Variants in RPTOR observed in about 807,000 individuals in gnomAD.
The protein encoded by RPTOR is regulatory-associated protein of mTOR.
A neutral mutation model predicts 169.9 loss-of-function variants in RPTOR; 21 were observed. That is an observed-to-expected ratio of 0.12 (90% CI 0.09 to 0.18). RPTOR has a LOEUF of 0.18. RPTOR is among the 10% of genes least tolerant of loss of function. The pLI is 1.00. For missense variants in RPTOR, 1,133 were observed against 1,855.9 expected, an observed-to-expected ratio of 0.61 and a Z score of 7.16; for synonymous variants, 732 against 753.2, an observed-to-expected ratio of 0.97 and a Z score of 0.46.
chr17:80,570,887 A>C (rs1349670619), intron 1 of RPTOR, among the ~76,000 whole-genome samples: 1 of 152,234 alleles, frequency 6.6e-6, no homozygotes, highest in East Asian at 1.9e-4. Context: ...ATTTAAGATT[A>C]CATTGGTGTA....
In RPTOR at chr17:80,921,738, G is replaced by A. The variant is rs544274420; in HGVS notation, c.2521-986G>A. On this transcript the variant is annotated intron_variant, in intron 21 of 33. Coordinates refer to ENST00000306801, the MANE Select transcript of RPTOR (RefSeq NM_020761.3). Reference sequence around the variant, plus strand: ...TTCATCCACAGACGGCTGGGTTGAAGGGGTGGTTTGGAGCCTCATGCTGCC... The same window carrying A: ...TTCATCCACAGACGGCTGGGTTGAAAGGGTGGTTTGGAGCCTCATGCTGCC... Among the ~76,000 whole-genome samples, 7 of 152,302 alleles carry A rather than the reference G, an allele frequency of 4.6e-5. No homozygotes were observed. In the East Asian group the frequency reaches 1.4e-3, roughly 29 times the overall value.
At chr17:80,839,665 C>T (rs138542689) in intron 10 of RPTOR, among the ~76,000 whole-genome samples, 7 of 152,324 alleles carry the variant, frequency 4.6e-5, no homozygotes, top group East Asian at 1.9e-4. Context: ...AGAGTGCCTG[C>T]GCTTTTCCGA....
intron 13 of RPTOR, among the ~76,000 whole-genome samples, chr17:80,877,133 G>A (rs896224352): frequency 5.3e-5 from 8 of 152,108 alleles, no homozygotes; most frequent in African/African-American, 1.2e-4. Context: ...CGTTCTGCGC[G>A]TGTGTGGTTT....
chr17:80,942,987 G>A (rs564860691), intron 25 of RPTOR, among the ~76,000 whole-genome samples: 54 of 152,374 alleles, frequency 3.5e-4, no homozygotes, highest in African/African-American at 1.2e-3. Context: ...CAAAGCCTTC[G>A]GGCCTGCCTG....
At chr17:80,673,715 C>G (rs2065839699) in intron 3 of RPTOR, among the ~76,000 whole-genome samples, 1 of 152,190 alleles carries the variant, frequency 6.6e-6, no homozygotes, top group Non-Finnish European at 1.5e-5. Context: ...TCAAAGAAAT[C>G]CTTCAGGGTC....
chr17:80,956,128 C>T (rs546873629), intron 28 of RPTOR, among the ~76,000 whole-genome samples: 54 of 152,072 alleles, frequency 3.6e-4, no homozygotes, highest in African/African-American at 1.1e-3. Flanking sequence ...CCTCAGCAGC[C>T]CCTGGGAGGC....
intron 25 of RPTOR, 74 bp downstream of exon 25, chr17:80,940,675 G>T: frequency 8.4e-7 from 1 of 1,186,998 alleles, no homozygotes; most frequent in Admixed American, 2.1e-5. Flanking sequence ...CCTGTGAGCA[G>T]GCCCCCCGCG....
At chr17:80,648,232 C>T (rs1165984354) in intron 3 of RPTOR, among the ~76,000 whole-genome samples, 1 of 152,026 alleles carries the variant, frequency 6.6e-6, no homozygotes, top group Non-Finnish European at 1.5e-5. Context: ...ATGACTATAC[C>T]TCCTGTTGGG....
At chr17:80,800,837 T>G (rs1234870233) in intron 7 of RPTOR, among the ~76,000 whole-genome samples, 2 of 152,234 alleles carry the variant, frequency 1.3e-5, no homozygotes, top group African/African-American at 4.8e-5. Context: ...TTCTGATCAC[T>G]GGAGGCTCAA....
chr17:80,868,274 G>A (rs1342232363), intron 13 of RPTOR, among the ~76,000 whole-genome samples: 2 of 152,152 alleles, frequency 1.3e-5, no homozygotes, highest in Non-Finnish European at 2.9e-5. Flanking sequence ...TGGGCAAAAG[G>A]TTTGAGCAGA....
chr17:80,758,873 A>T (rs4969235), intron 6 of RPTOR, among the ~76,000 whole-genome samples: 57,440 of 151,364 alleles, frequency 0.38, 11,496 homozygotes, highest in East Asian at 0.56. Context: ...AAGGAGGAAA[A>T]AAGACAAAGC....
chr17:80,647,651 G>A (rs1269625566), intron 3 of RPTOR, among the ~76,000 whole-genome samples: 1 of 152,180 alleles, frequency 6.6e-6, no homozygotes, highest in Non-Finnish European at 1.5e-5. Flanking sequence ...ATTTACTAAG[G>A]AAGATGAAAC....
intron 4 of RPTOR, among the ~76,000 whole-genome samples, chr17:80,725,504 T>G (rs2066324147): frequency 6.6e-6 from 1 of 152,234 alleles, no homozygotes; most frequent in South Asian, 2.1e-4. Context: ...CCAAGCAGCC[T>G]TCCGTGTATA....
chr17:80,698,628 T>C (rs1177281698), intron 3 of RPTOR, among the ~76,000 whole-genome samples: 2 of 152,232 alleles, frequency 1.3e-5, no homozygotes, highest in African/African-American at 4.8e-5. Context: ...CTTTTGTTCT[T>C]TTCTCCTTAA....
chr17:80,938,830 G>T (rs1025920616), intron 24 of RPTOR, among the ~76,000 whole-genome samples: 1 of 152,178 alleles, frequency 6.6e-6, no homozygotes, highest in African/African-American at 2.4e-5. Context: ...TTTCTGTTTT[G>T]TAATCAGAGC....
rs1186942471 is a variant in RPTOR, at chr17:80,845,006, CG to C, written c.1213-1462del. Among the ~76,000 whole-genome samples the C allele has an allele frequency of 2.7e-5, 4 of 147,806 alleles. No homozygotes were observed. Among genetic ancestry groups the C allele is most frequent in the African/African-American group, 1.0e-4 (4 of 39,678 alleles). ...TTTTTTTTTCTTTAATTCTTTGTATCGGGGGCTCAGGGAAGGCAGAGCTGTG... is the reference window on the plus strand; with the variant it reads ...TTTTTTTTTCTTTAATTCTTTGTATCGGGGCTCAGGGAAGGCAGAGCTGTG... On this transcript the variant is annotated intron_variant, in intron 10 of 33. Coordinates refer to ENST00000306801, the MANE Select transcript of RPTOR (RefSeq NM_020761.3). This position sits in a 1 kb window ranked among gnomAD's most constrained non-coding sequence, Gnocchi z 5.4.
intron 6 of RPTOR, among the ~76,000 whole-genome samples, chr17:80,755,353 C>T (rs1194125643): frequency 6.6e-6 from 1 of 152,176 alleles, no homozygotes; most frequent in Non-Finnish European, 1.5e-5. Flanking sequence ...GTAATCCTAG[C>T]ACTTTAGGAG....
Position 80,940,383 on chromosome 17 carries a change from C to G in RPTOR, c.2920-113C>G, listed in dbSNP as rs1047750400. The G allele has an allele frequency of 1.2e-5, 9 of 768,158 alleles. No individual in the cohort carries two copies. The African/African-American group carries it at 1.6e-4, about 13-fold the overall frequency. 47.6% of individuals were successfully genotyped at this position (768,158 alleles called of 1,614,324 possible). A position where few individuals can be genotyped will look rare whatever the true frequency, so the allele number is the denominator to read the frequency against. ...ATGCCACACCCTTTCGTATTGGGGACTGAGCCGCGCAGGTTTTGCTATCCG... is the reference window on the plus strand; with the variant it reads ...ATGCCACACCCTTTCGTATTGGGGAGTGAGCCGCGCAGGTTTTGCTATCCG... On this transcript the variant is annotated intron_variant, in intron 24 of 33. Coordinates refer to ENST00000306801, the MANE Select transcript of RPTOR (RefSeq NM_020761.3).
chr17:80,738,098 T>G (rs2066449691), intron 5 of RPTOR, among the ~76,000 whole-genome samples: 1 of 151,084 alleles, frequency 6.6e-6, no homozygotes, highest in Non-Finnish European at 1.5e-5. Context: ...ACGGGAGAAA[T>G]GGGGGGAAAC....
Sources: allele counts gnomAD v4.1 joint callset (sites outside exome capture counted in the v4.1 genomes callset), GRCh38; gene constraint gnomAD v4.1.1; non-coding constraint Gnocchi (gnomAD v3.1); transcripts MANE v1.5; gene names NCBI Gene and HGNC (gene_info 2026-07-23, HGNC 2026-07-21).